The following DOCK3 variants were observed in gnomAD, a reference collection of about 807,000 sequenced individuals.
DOCK3 encodes the protein dedicator of cytokinesis protein 3.
DOCK3 carries 60 observed loss-of-function variants against 265.6 expected under a neutral mutation model. The ratio of observed to expected loss-of-function variants is 0.23; its 90% CI spans 0.18 to 0.28. DOCK3 has a LOEUF of 0.28. Among genes scored for constraint, DOCK3 ranks in the 10% least tolerant of loss-of-function variants. DOCK3 has a pLI of 1.00. For synonymous variants in DOCK3, 881 were observed against 938.0 expected (o/e 0.94, Z 1.11); for missense variants, 1,981 against 2,594.3 (o/e 0.76, Z 5.14).
intron 5 of DOCK3, among the ~76,000 whole-genome samples, chr3:50,976,063 A>G (rs1575656919): frequency 2.6e-5 from 4 of 151,526 alleles, no homozygotes; most frequent in South Asian, 2.1e-4. Flanking sequence ...CTAGTGGTCT[A>G]TCTTTTTTGT....
intron 2 of DOCK3, among the ~76,000 whole-genome samples, chr3:50,781,775 T>G (rs1447166086): frequency 6.6e-6 from 1 of 152,172 alleles, no homozygotes; most frequent in Non-Finnish European, 1.5e-5. Flanking sequence ...CCTCTGCCTC[T>G]TCCTACCTTC....
At chr3:51,184,582 G>T (rs971435930) in intron 12 of DOCK3, among the ~76,000 whole-genome samples, 2 of 150,412 alleles carry the variant, frequency 1.3e-5, no homozygotes, top group African/African-American at 4.9e-5. Flanking sequence ...TTAACCCAAA[G>T]TATAAGATAA....
intron 1 of DOCK3, among the ~76,000 whole-genome samples, chr3:50,714,378 TA>T (rs1160856810): frequency 1.3e-5 from 2 of 152,262 alleles, no homozygotes; most frequent in Non-Finnish European, 2.9e-5. Context: ...ACCAAGCTAC[TA>T]ATCTGCCATA....
chr3:50,875,422 AT>A lies in DOCK3; in HGVS notation c.163-14603del, dbSNP rs376193294. On this transcript the variant is annotated intron_variant, in intron 3 of 52. Coordinates refer to ENST00000266037, the MANE Select transcript of DOCK3 (RefSeq NM_004947.5). Reference sequence around the variant, plus strand: ...AATTTTTCCCTGTTCCTTCAGTATGATATTAGCTATGGGTTTGTTATATGTG... The same window carrying A: ...AATTTTTCCCTGTTCCTTCAGTATGAATTAGCTATGGGTTTGTTATATGTG... Among the ~76,000 whole-genome samples, 267 of 152,204 alleles carry A rather than the reference AT, an allele frequency of 1.8e-3. 2 individuals carry two copies. Among genetic ancestry groups the A allele is most frequent in the East Asian group, 7.9e-3 (41 of 5,180 alleles).
chr3:51,344,830 T>C (rs2085459209), intron 38 of DOCK3, among the ~76,000 whole-genome samples: 1 of 152,192 alleles, frequency 6.6e-6, no homozygotes, highest in East Asian at 1.9e-4. Context: ...TGTTCCAGCA[T>C]ACCCCTCAAG....
intron 38 of DOCK3, among the ~76,000 whole-genome samples, chr3:51,344,811 G>A (rs974419811): frequency 6.6e-6 from 1 of 152,150 alleles, no homozygotes; most frequent in Non-Finnish European, 1.5e-5. Flanking sequence ...AAGCCCCCAA[G>A]CCCACCAGTG....
At chr3:51,047,003 A>G (rs183286596) in intron 5 of DOCK3, among the ~76,000 whole-genome samples, 1 of 152,304 alleles carries the variant, frequency 6.6e-6, no homozygotes, top group East Asian at 1.9e-4. Context: ...GAAAATGAAA[A>G]CAAAGCATAC....
intron 12 of DOCK3, among the ~76,000 whole-genome samples, chr3:51,161,315 A>G (rs568299374): frequency 5.7e-4 from 85 of 149,216 alleles, no homozygotes; most frequent in Admixed American, 2.4e-3. Context: ...GTGGTGGCGG[A>G]CGCCTATAGT....
At chr3:51,319,431 G>A (rs750998143) in intron 32 of DOCK3, among the ~76,000 whole-genome samples, 1 of 151,220 alleles carries the variant, frequency 6.6e-6, no homozygotes, top group African/African-American at 2.4e-5. Context: ...ACCAAGAAGT[G>A]GATGACATTG....
intron 9 of DOCK3, among the ~76,000 whole-genome samples, chr3:51,097,252 G>A (rs2082894949): frequency 6.6e-6 from 1 of 152,196 alleles, no homozygotes; most frequent in Admixed American, 6.5e-5. Context: ...ATGGGAGTTT[G>A]TTCTGTAAGG....
intron 5 of DOCK3, among the ~76,000 whole-genome samples, chr3:51,023,245 C>CT (rs879648634): frequency 1.1e-3 from 166 of 147,112 alleles, no homozygotes; most frequent in Middle Eastern, 3.5e-3. Flanking sequence ...TATTCATTTC[C>CT]TTTTTTTTTT....
chr3:50,925,824 C>CTTTTTTTTTTTTTTTTT (rs368819970), intron 4 of DOCK3, among the ~76,000 whole-genome samples: 8 of 88,426 alleles, frequency 9.0e-5, no homozygotes, highest in African/African-American at 4.1e-4. Flanking sequence ...TAAAACTAGT[C>CTTTTTTTTTTTTTTTTT]TTTTTTTTTT....
chr3:51,310,133 C>A, intron 27 of DOCK3, 99 bp from the exon 28 acceptor site: 1 of 875,190 alleles, frequency 1.1e-6, no homozygotes, highest in South Asian at 1.5e-5. Flanking sequence ...ACTCACTGGT[C>A]CCACCCATTG....
chr3:50,909,405 G>A (rs1160632086), intron 4 of DOCK3, among the ~76,000 whole-genome samples: 1 of 152,040 alleles, frequency 6.6e-6, no homozygotes, highest in Non-Finnish European at 1.5e-5. Flanking sequence ...TTGCAAGGCA[G>A]GCGTGTTGAT....
chr3:51,053,232 C>T (rs1006290687), intron 5 of DOCK3, among the ~76,000 whole-genome samples: 1 of 148,452 alleles, frequency 6.7e-6, no homozygotes, highest in Non-Finnish European at 1.5e-5. Context: ...TTTTTTAAAC[C>T]CTCTTAGTTG....
intron 5 of DOCK3, among the ~76,000 whole-genome samples, chr3:51,021,910 C>G (rs1020956416): frequency 6.6e-6 from 1 of 152,116 alleles, no homozygotes; most frequent in Non-Finnish European, 1.5e-5. Context: ...ATCTGCCTGC[C>G]TCGGCCTCCC....
At chr3:50,929,394 T>A (rs2050938727) in intron 4 of DOCK3, among the ~76,000 whole-genome samples, 1 of 152,184 alleles carries the variant, frequency 6.6e-6, no homozygotes, top group Non-Finnish European at 1.5e-5. Flanking sequence ...AGGTCCAGTC[T>A]CCTTAGTCCT....
chr3:51,087,288 T>C (rs2082461880), intron 7 of DOCK3, among the ~76,000 whole-genome samples: 1 of 152,130 alleles, frequency 6.6e-6, no homozygotes, highest in African/African-American at 2.4e-5. Flanking sequence ...TTATAAACCA[T>C]AATCAAATGG....
intron 5 of DOCK3, among the ~76,000 whole-genome samples, chr3:51,007,907 G>T (rs948068307): frequency 6.6e-6 from 1 of 152,138 alleles, no homozygotes; most frequent in East Asian, 1.9e-4. Context: ...TTTTTGGTCA[G>T]GTTTGTCAAA....
Sources: gnomAD v4.1 joint callset for allele counts (sites outside exome capture counted in the v4.1 genomes callset) on GRCh38, gnomAD v4.1.1 for gene constraint, MANE v1.5 for transcripts, NCBI Gene and HGNC (gene_info 2026-07-23, HGNC 2026-07-21) for gene names.